Variants in SLC4A4 observed in about 807,000 individuals in gnomAD.
SLC4A4 encodes electrogenic sodium bicarbonate cotransporter 1.
Under a neutral mutation model 111.5 loss-of-function variants are expected in SLC4A4, and 27 were observed. The observed-to-expected ratio is 0.24, with a 90% CI of 0.18 to 0.33. The LOEUF is 0.33. Among genes scored for constraint, SLC4A4 ranks in the 10% least tolerant of loss-of-function variants. The pLI is 1.00. For synonymous variants in SLC4A4, 443 were observed against 463.4 expected, an observed-to-expected ratio of 0.96 and a Z score of 0.57; for missense variants, 909 against 1,315.5, an observed-to-expected ratio of 0.69 and a Z score of 4.78.
At chr4:71,159,629 G>T (rs1744567549) in intron 2 of SLC4A4, among the ~76,000 whole-genome samples, 1 of 152,206 alleles carries the variant, frequency 6.6e-6, no homozygotes, top group Non-Finnish European at 1.5e-5. Context: ...TTCCCAAAGT[G>T]CTGGGATTAC....
chr4:71,288,238 G>A (rs1724067920), intron 3 of SLC4A4, among the ~76,000 whole-genome samples: 1 of 152,128 alleles, frequency 6.6e-6, no homozygotes, highest in South Asian at 2.1e-4. Flanking sequence ...AAAGCCATGA[G>A]TGACGGATCT....
chr4:71,529,162 G>C (rs1366621894), intron 16 of SLC4A4, among the ~76,000 whole-genome samples: 2 of 151,998 alleles, frequency 1.3e-5, no homozygotes, highest in African/African-American at 4.8e-5. Flanking sequence ...TTCCCAAAGA[G>C]AATAATTTGA....
At chr4:71,328,584 C>T (rs1727691147) in intron 3 of SLC4A4, among the ~76,000 whole-genome samples, 1 of 151,860 alleles carries the variant, frequency 6.6e-6, no homozygotes, top group African/African-American at 2.4e-5. Context: ...ATGGTGAGCA[C>T]CTTTTCATGT....
chr4:71,531,533 C>A (rs1733913897), intron 16 of SLC4A4, among the ~76,000 whole-genome samples: 1 of 152,030 alleles, frequency 6.6e-6, no homozygotes, highest in East Asian at 1.9e-4. Flanking sequence ...TAAGCCCTCC[C>A]ATGCTAGATT....
At chr4:71,161,323 C>A (rs540057516) in intron 2 of SLC4A4, among the ~76,000 whole-genome samples, 1 of 152,182 alleles carries the variant, frequency 6.6e-6, no homozygotes, top group African/African-American at 2.4e-5. Context: ...TACACGAACA[C>A]TTATTGCCCT....
chr4:71,439,783 T>A (rs1046894213), intron 7 of SLC4A4, among the ~76,000 whole-genome samples: 2 of 151,720 alleles, frequency 1.3e-5, no homozygotes, highest in African/African-American at 4.8e-5. Context: ...CATGGTGATG[T>A]CTCTCAAATT....
intron 3 of SLC4A4, among the ~76,000 whole-genome samples, chr4:71,320,676 T>C (rs1395332588): frequency 1.3e-5 from 2 of 152,030 alleles, no homozygotes; most frequent in Non-Finnish European, 1.5e-5. Context: ...GTGTCATAAA[T>C]AGTCAAAAGT....
rs61128918 is a variant in SLC4A4, at chr4:71,466,931, AAGAGAGAG to A, written c.1631+381_1631+388del. 3.6e-3 allele frequency among the ~76,000 whole-genome samples: 344 copies of A among 94,816 alleles called. 1 individual carries two copies. Among genetic ancestry groups the A allele is most frequent in the African/African-American group, 6.7e-3 (220 of 32,686 alleles). 62.2% of individuals were successfully genotyped at this position (94,816 alleles called of 152,430 possible). On this transcript the variant is annotated intron_variant, in intron 13 of 25. Transcript: ENST00000264485. ...TAATGGGGAGTACCAACAAGACGGG[AAGAGAGAG>A]AGAGAGAGAGAGAGAGAGAGAGAGA...
intron 18 of SLC4A4, among the ~76,000 whole-genome samples, chr4:71,542,238 C>T (rs1735136442): frequency 6.6e-6 from 1 of 152,044 alleles, no homozygotes; most frequent in African/African-American, 2.4e-5. Context: ...ACTTTTTTAT[C>T]TTTGACCTTG....
At chr4:71,283,664 G>A (rs544439634) in intron 3 of SLC4A4, among the ~76,000 whole-genome samples, 1 of 152,264 alleles carries the variant, frequency 6.6e-6, no homozygotes, top group African/African-American at 2.4e-5. Context: ...TCATCAGATT[G>A]TATCCATTAA....
At chr4:71,155,651 A>T (rs1744438145) in intron 2 of SLC4A4, among the ~76,000 whole-genome samples, 1 of 151,822 alleles carries the variant, frequency 6.6e-6, no homozygotes, top group Non-Finnish European at 1.5e-5. Flanking sequence ...TTTTTTAGAG[A>T]TGGGGTTTCA....
At chr4:71,349,200 C>T (rs1395466043) in intron 4 of SLC4A4, among the ~76,000 whole-genome samples, 4 of 152,144 alleles carry the variant, frequency 2.6e-5, no homozygotes, top group South Asian at 4.1e-4. Flanking sequence ...GTTGTTCCAT[C>T]GCTAAGGTTA....
chr4:71,312,789 A>G, intron 3 of SLC4A4, among the ~76,000 whole-genome samples: 1 of 152,236 alleles, frequency 6.6e-6, no homozygotes, highest in East Asian at 1.9e-4. Flanking sequence ...AATGAGAGCT[A>G]TTTATGATAA....
intron 3 of SLC4A4, among the ~76,000 whole-genome samples, chr4:71,279,048 AT>A (rs1723295406): frequency 6.6e-6 from 1 of 152,216 alleles, no homozygotes; most frequent in Non-Finnish European, 1.5e-5. Context: ...TAATTTACAT[AT>A]TCATCACTCA....
intron 2 of SLC4A4, among the ~76,000 whole-genome samples, chr4:71,133,204 A>G (rs1162996113): frequency 6.6e-6 from 1 of 152,198 alleles, no homozygotes; most frequent in Non-Finnish European, 1.5e-5. Flanking sequence ...GGTTGTTAAC[A>G]TGGGAACCAT....
Position 71,255,254 on chromosome 4 carries a change from G to T in SLC4A4, c.108G>T (p.Pro36=). Residue 36 remains proline, a synonymous_variant, in exon 3 of 26, where the codon CCG becomes CCT. Transcript: ENST00000264485. ...HHTIYIGVHV[P]KSYRRRRRHK... is the part of the protein sequence containing the mutation. ...CCATTTACATCGGAGTCCATGTGCC[G>T]AAGAGTTACAGGAGAAGGAGACGTC... 1 of 1,613,382 alleles carries T rather than the reference G, an allele frequency of 6.2e-7. No homozygotes were observed. Among genetic ancestry groups the T allele is most frequent in the African/African-American group, 1.3e-5 (1 of 74,964 alleles).
At chr4:71,157,464 T>G (rs928167042) in intron 2 of SLC4A4, among the ~76,000 whole-genome samples, 13 of 152,162 alleles carry the variant, frequency 8.5e-5, no homozygotes, top group African/African-American at 2.7e-4. Context: ...CTGAATCAAA[T>G]TTTAAGATTT....
intron 16 of SLC4A4, among the ~76,000 whole-genome samples, chr4:71,512,898 C>G (rs1477116078): frequency 6.6e-6 from 1 of 152,034 alleles, no homozygotes; most frequent in Non-Finnish European, 1.5e-5. Context: ...TATACTTTAC[C>G]CAATGTAAGT....
chr4:71,156,830 G>T (rs183628274), intron 2 of SLC4A4, among the ~76,000 whole-genome samples: 1 of 152,222 alleles, frequency 6.6e-6, no homozygotes, highest in East Asian at 1.9e-4. Context: ...CAATGCTGAG[G>T]TGACGATTCT....
Sources: gnomAD v4.1 joint callset for allele counts (sites outside exome capture counted in the v4.1 genomes callset) on GRCh38, gnomAD v4.1.1 for gene constraint, MANE v1.5 for transcripts, NCBI Gene and HGNC (gene_info 2026-07-23, HGNC 2026-07-21) for gene names.